PCSK6: variants seen among roughly 807,000 people sequenced by gnomAD.
PCSK6 encodes paired basic amino acid cleaving enzyme 4.
Under a neutral mutation model 123.3 loss-of-function variants are expected in PCSK6, and 85 were observed. The observed-to-expected ratio is 0.69, with a 90% confidence interval of 0.58 to 0.83. The LOEUF is 0.83. Among genes scored for constraint, PCSK6 ranks in the 40% least tolerant of loss-of-function variants. PCSK6 has a pLI of 0.00. For synonymous variants in PCSK6, 508 were observed against 516.0 expected (o/e 0.98, Z 0.21); for missense variants, 1,191 against 1,282.3 (o/e 0.93, Z 1.09).
chr15:101,318,564 T>C (rs2040046656), intron 18 of PCSK6, 142 bp from the exon 19 acceptor site: 1 of 724,404 alleles, frequency 1.4e-6, no homozygotes, highest in Admixed American at 2.4e-5. Flanking sequence ...CTAAGGAAAG[T>C]CGGGAAAGCC....
chr15:101,378,986 T>G lies in PCSK6; in HGVS notation c.1532+3106A>C, dbSNP rs729906. 2.7e-3 allele frequency among the ~76,000 whole-genome samples: 413 copies of G among 152,272 alleles called. 3 individuals carry two copies. Among genetic ancestry groups the G allele is most frequent in the Admixed American group, 8.6e-3 (132 of 15,306 alleles). ...GGTGGCCTTTCCGCGCCTTTGGGCCTGAGCATGACTCGGGCAGGCGGGGCT... is the reference window on the plus strand; with the variant it reads ...GGTGGCCTTTCCGCGCCTTTGGGCCGGAGCATGACTCGGGCAGGCGGGGCT... On this transcript the variant is annotated intron_variant, in intron 11 of 21. Transcript: ENST00000611716.
chr15:101,387,021 C>T (rs2042084151), intron 9 of PCSK6, among the ~76,000 whole-genome samples: 1 of 152,182 alleles, frequency 6.6e-6, no homozygotes, highest in Admixed American at 6.5e-5. Context: ...CTTCCCTGGG[C>T]TCACACTCTC....
At chr15:101,489,042 G>A (rs2058091148) in intron 1 of PCSK6, among the ~76,000 whole-genome samples, 2 of 149,992 alleles carry the variant, frequency 1.3e-5, no homozygotes, top group East Asian at 4.0e-4. Flanking sequence ...AGCCCGGCAG[G>A]TGTCCGCGCC....
intron 5 of PCSK6, among the ~76,000 whole-genome samples, chr15:101,429,531 T>C (rs999127055): frequency 9.2e-5 from 14 of 152,108 alleles, no homozygotes; most frequent in Non-Finnish European, 1.8e-4. Context: ...GTGGGAGAGC[T>C]GCGATCTGAA....
chr15:101,322,180 C>T (rs917519545), intron 18 of PCSK6, among the ~76,000 whole-genome samples: 1 of 152,208 alleles, frequency 6.6e-6, no homozygotes, highest in South Asian at 2.1e-4. Context: ...TGAGCCGCTA[C>T]AGCCCATCCC....
At chr15:101,335,806 T>C (rs1254456522) in intron 13 of PCSK6, among the ~76,000 whole-genome samples, 1 of 152,242 alleles carries the variant, frequency 6.6e-6, no homozygotes, top group Non-Finnish European at 1.5e-5. Flanking sequence ...TGTTGTTTTG[T>C]GAATACCATA....
intron 6 of PCSK6, among the ~76,000 whole-genome samples, chr15:101,401,482 G>A (rs2042584390): frequency 6.6e-6 from 1 of 152,174 alleles, no homozygotes; most frequent in Non-Finnish European, 1.5e-5. Flanking sequence ...ATGCCTCGAC[G>A]CCTGCTCCCA....
intron 1 of PCSK6, among the ~76,000 whole-genome samples, chr15:101,450,563 G>A (rs1181357992): frequency 6.6e-6 from 1 of 152,328 alleles, no homozygotes; most frequent in East Asian, 1.9e-4. Context: ...TCAGGGCCTG[G>A]CTGTGTCTGG....
At chr15:101,459,817 T>C (rs1321956154) in intron 1 of PCSK6, among the ~76,000 whole-genome samples, 1 of 151,738 alleles carries the variant, frequency 6.6e-6, no homozygotes, top group Admixed American at 6.6e-5. Flanking sequence ...CCTCAGTCCC[T>C]TTAGGCAGCT....
intron 6 of PCSK6, among the ~76,000 whole-genome samples, chr15:101,423,978 T>G (rs1404956188): frequency 6.6e-6 from 1 of 152,190 alleles, no homozygotes; most frequent in Non-Finnish European, 1.5e-5. Context: ...ATCCCAGCAC[T>G]TTGGGAGGCT....
intron 2 of PCSK6, among the ~76,000 whole-genome samples, chr15:101,434,922 G>T (rs1337344840): frequency 6.6e-6 from 1 of 152,160 alleles, no homozygotes; most frequent in Non-Finnish European, 1.5e-5. Flanking sequence ...CCATTTTCCA[G>T]GTTCACCTTC....
intron 21 of PCSK6, among the ~76,000 whole-genome samples, chr15:101,306,346 C>A (rs115498737): frequency 6.6e-6 from 1 of 152,008 alleles, no homozygotes; most frequent in Non-Finnish European, 1.5e-5. Context: ...ACAACCCTCC[C>A]GCCACCCCCC....
chr15:101,426,741 G>A (rs1405881099), intron 6 of PCSK6, among the ~76,000 whole-genome samples: 3 of 115,092 alleles, frequency 2.6e-5, no homozygotes, highest in African/African-American at 8.8e-5. Context: ...GAGCCAAAGC[G>A]GCTGCAGCCA....
Position 101,434,118 on chromosome 15 carries a change from T to C in PCSK6, c.403-2018A>G, listed in dbSNP as rs373613097. Among the ~76,000 whole-genome samples, 147 of 152,332 alleles carry C rather than the reference T, an allele frequency of 9.6e-4. 1 individual carries two copies. In the South Asian group the frequency reaches 0.029, roughly 30 times the overall value. ...CACCGGCTGATGGCATTTTGCAATG[T>C]CCCCATATATTACTGCCTGAACTAG... is the stretch of plus-strand genomic sequence containing the variant. On this transcript the variant is annotated intron_variant, in intron 2 of 21. Coordinates refer to ENST00000611716, the MANE Select transcript of PCSK6 (RefSeq NM_002570.5).
At chr15:101,458,920 C>G (rs995989430) in intron 1 of PCSK6, among the ~76,000 whole-genome samples, 1 of 152,162 alleles carries the variant, frequency 6.6e-6, no homozygotes, top group Non-Finnish European at 1.5e-5. Flanking sequence ...TTTCATTTAA[C>G]CACCCCGACA....
At chr15:101,426,650 C>T (rs964065601) in intron 6 of PCSK6, among the ~76,000 whole-genome samples, 5 of 152,190 alleles carry the variant, frequency 3.3e-5, no homozygotes, top group African/African-American at 9.7e-5. Flanking sequence ...ACCCTCTTTT[C>T]GAAACACAAG....
chr15:101,427,999 C>A lies in PCSK6; in HGVS notation c.735-19G>T, dbSNP rs2056317434. The A allele has an allele frequency of 2.6e-6, 4 of 1,554,352 alleles. No homozygotes were observed. The highest frequency in any genetic ancestry group is 2.4e-5 in the East Asian group (1 of 41,730). Reference sequence around the variant, plus strand: ...GCCGTGTCTGAAACAAAGGAAAAAACCAAGTGAGGACGCAGCCCAGCAAGT... The same window carrying A: ...GCCGTGTCTGAAACAAAGGAAAAAAACAAGTGAGGACGCAGCCCAGCAAGT... On this transcript the variant is annotated intron_variant, in intron 5 of 21. Transcript: ENST00000611716.
chr15:101,473,406 C>T (rs548466937), intron 1 of PCSK6, among the ~76,000 whole-genome samples: 2 of 152,178 alleles, frequency 1.3e-5, no homozygotes, highest in Non-Finnish European at 2.9e-5. Flanking sequence ...CCATGCCTAG[C>T]CTTCATTTGG....
At chr15:101,433,034 C>T (rs2056495708) in intron 2 of PCSK6, among the ~76,000 whole-genome samples, 1 of 152,198 alleles carries the variant, frequency 6.6e-6, no homozygotes, top group South Asian at 2.1e-4. Context: ...TTTCAATCAG[C>T]ATGATTTGTT....
Sources: allele counts gnomAD v4.1 joint callset (sites outside exome capture counted in the v4.1 genomes callset), GRCh38; gene constraint gnomAD v4.1.1; transcripts MANE v1.5; gene names NCBI Gene and HGNC (gene_info 2026-07-23, HGNC 2026-07-21).